TMEM132E: variants seen among roughly 807,000 people sequenced by gnomAD.
TMEM132E encodes transmembrane protein 132E.
A neutral mutation model predicts 78.5 loss-of-function variants in TMEM132E; 49 were observed. The observed-to-expected ratio is 0.62, with a 90% CI of 0.50 to 0.79. The LOEUF is 0.79. Among genes scored for constraint, TMEM132E ranks in the 30% least tolerant of loss-of-function variants. TMEM132E has a pLI of 0.00. For synonymous variants in TMEM132E, 715 were observed against 670.6 expected, an observed-to-expected ratio of 1.07 and a Z score of -1.02; for missense variants, 1,403 against 1,470.9, an observed-to-expected ratio of 0.95 and a Z score of 0.75.
Position 34,638,178 on chromosome 17 carries a change from C to A in TMEM132E, c.3171C>A (p.Pro1057=). ...GCPDVAGPTR[P]TAPPDLHNYM... ...CGGATGTGGCGGGCCCCACGCGGCCCACTGCACCCCCGGACCTGCACAATT... is the reference window on the plus strand; with the variant it reads ...CGGATGTGGCGGGCCCCACGCGGCCAACTGCACCCCCGGACCTGCACAATT... The change falls in exon 9 of 9, where the codon CCC becomes CCA. Residue 1057 remains proline, a synonymous_variant. Coordinates refer to ENST00000631683, the MANE Select transcript of TMEM132E (RefSeq NM_001304438.2). The A allele has an allele frequency of 6.2e-7, 1 of 1,606,044 alleles. No individual in the cohort carries two copies. The highest frequency in any genetic ancestry group is 8.5e-7 in the Non-Finnish European group (1 of 1,177,124).
intron 1 of TMEM132E, among the ~76,000 whole-genome samples, chr17:34,625,166 T>C (rs1358116766): frequency 1.3e-5 from 2 of 152,164 alleles, no homozygotes; most frequent in Non-Finnish European, 2.9e-5. Flanking sequence ...TATGTCGTCA[T>C]AGCGACAGCA....
Position 34,626,641 on chromosome 17 carries a change from G to A in TMEM132E, c.582G>A (p.Glu194=). The change falls in exon 2 of 9, where the codon GAG becomes GAA. Residue 194 remains glutamate, a synonymous_variant. Coordinates refer to ENST00000631683, the MANE Select transcript of TMEM132E (RefSeq NM_001304438.2). ...TGGCCACTTGTCTGGTGCGGGCAGA[G>A]CTGCCCCTGGCCTGGTTCGGGCCCC... The part of the protein sequence containing the change: ...GGLATCLVRA[E]LPLAWFGPPA... 6.9e-7 allele frequency: 1 copy of A among 1,447,662 alleles called. No individual in the cohort carries two copies. The allele number at this position is 1,447,662 out of a possible 1,614,324, so 89.7% of individuals were successfully genotyped here. A position where few individuals can be genotyped will look rare whatever the true frequency, so the allele number is the denominator to read the frequency against.
chr17:34,612,576 T>C (rs1283326666), intron 1 of TMEM132E, among the ~76,000 whole-genome samples: 2 of 152,138 alleles, frequency 1.3e-5, no homozygotes, highest in African/African-American at 2.4e-5. Context: ...AAAACAGGCA[T>C]CAGAATATGG....
intron 4 of TMEM132E, 75 bp downstream of exon 4, chr17:34,629,279 A>T: frequency 6.8e-7 from 1 of 1,480,604 alleles, no homozygotes; most frequent in Non-Finnish European, 9.2e-7. Context: ...CAAGAATGTG[A>T]ACCACTGAGT....
At chr17:34,609,992 C>G (rs1018056187) in intron 1 of TMEM132E, among the ~76,000 whole-genome samples, 1 of 152,162 alleles carries the variant, frequency 6.6e-6, no homozygotes, top group African/African-American at 2.4e-5. Flanking sequence ...TCTGTTCCCT[C>G]CATCCCTGAC....
Position 34,629,024 on chromosome 17 carries a change from C to T in TMEM132E, c.1158C>T (p.Gly386=), listed in dbSNP as rs754658637. The T allele has an allele frequency of 6.4e-6, 10 of 1,568,674 alleles. No individual in the cohort carries two copies. The highest frequency in any genetic ancestry group is 1.7e-4 in the Middle Eastern group (1 of 5,886). ...CCTACCCTGGCAGGGAGGGCCAGGG[C>T]CCCTTGGAGATCTTGCAGCTGGACT... ...STPLPPREGQ[G]PLEILQLDFE... is the part of the protein sequence containing the mutation. Residue 386 remains glycine, a synonymous_variant, in exon 4 of 9, where the codon GGC becomes GGT. Transcript: ENST00000631683.
intron 1 of TMEM132E, among the ~76,000 whole-genome samples, chr17:34,597,517 T>A (rs549652220): frequency 1.3e-5 from 2 of 152,280 alleles, no homozygotes; most frequent in African/African-American, 2.4e-5. Context: ...TGCCAGACAC[T>A]GACTGGATAT....
chr17:34,592,124 T>C (rs1905892688), intron 1 of TMEM132E, among the ~76,000 whole-genome samples: 1 of 152,216 alleles, frequency 6.6e-6, no homozygotes, highest in Non-Finnish European at 1.5e-5. Flanking sequence ...CTTGGGATTT[T>C]TGTTTTTTAA....
chr17:34,637,216 A>C lies in TMEM132E; in HGVS notation c.2209A>C (p.Thr737Pro). 6.2e-7 allele frequency: 1 copy of C among 1,611,262 alleles called. No homozygotes were observed. Among genetic ancestry groups the C allele is most frequent in the Non-Finnish European group, 8.5e-7 (1 of 1,177,900 alleles). Residue 737 changes from threonine (T) to proline (P), a missense_variant, in exon 9 of 9, where the codon ACC (threonine) becomes CCC (proline). Around this residue, in one of 3 missense-constraint regions of TMEM132E, gnomAD observed 888 missense variants for 952.8 expected, o/e 0.93. Coordinates refer to ENST00000631683, the MANE Select transcript of TMEM132E (RefSeq NM_001304438.2). ...LSLWLSYSDG[T>P]TAPLSLYSPR... ...CCTCTGGCTCTCCTACAGTGATGGCACCACAGCCCCACTCTCCCTCTACAG... is the reference window on the plus strand; with the variant it reads ...CCTCTGGCTCTCCTACAGTGATGGCCCCACAGCCCCACTCTCCCTCTACAG...
chr17:34,594,843 C>T (rs1905999901), intron 1 of TMEM132E, among the ~76,000 whole-genome samples: 1 of 152,164 alleles, frequency 6.6e-6, no homozygotes, highest in Non-Finnish European at 1.5e-5. Context: ...TTCAAGTGGT[C>T]CGCTCGCCTT....
intron 1 of TMEM132E, among the ~76,000 whole-genome samples, chr17:34,594,850 C>T (rs1210202241): frequency 1.3e-5 from 2 of 152,190 alleles, no homozygotes; most frequent in Non-Finnish European, 2.9e-5. Flanking sequence ...GGTCCGCTCG[C>T]CTTAGTTTCC....
At chr17:34,581,634 G>A (rs1905486915) in intron 1 of TMEM132E, among the ~76,000 whole-genome samples, 1 of 151,602 alleles carries the variant, frequency 6.6e-6, no homozygotes, top group African/African-American at 2.4e-5. Flanking sequence ...GAAGGGAAGT[G>A]GACTGACTCC....
At chr17:34,601,739 G>T (rs537494618) in intron 1 of TMEM132E, among the ~76,000 whole-genome samples, 1 of 152,312 alleles carries the variant, frequency 6.6e-6, no homozygotes, top group East Asian at 1.9e-4. Flanking sequence ...GGGAAGAGAA[G>T]AGGAAGGAGG....
chr17:34,625,190 G>A (rs1907079514), intron 1 of TMEM132E, among the ~76,000 whole-genome samples: 1 of 152,344 alleles, frequency 6.6e-6, no homozygotes, highest in Admixed American at 6.5e-5. Context: ...AGGCCAGAAT[G>A]GGGGCAGGGA....
At chr17:34,622,221 C>G (rs781725648) in intron 1 of TMEM132E, among the ~76,000 whole-genome samples, 1 of 152,226 alleles carries the variant, frequency 6.6e-6, no homozygotes, top group Non-Finnish European at 1.5e-5. Flanking sequence ...CACACCAGAA[C>G]GCTTCCAGGG....
chr17:34,618,487 C>T lies in TMEM132E; in HGVS notation c.68-7640C>T, dbSNP rs995684643. On this transcript the variant is annotated intron_variant, in intron 1 of 8. Transcript: ENST00000631683. ...TCTCAAGCGATCCTCCCTCCTGAGC[C>T]TCCCAAAGTGCTGGAATTATAGGAG... is the stretch of plus-strand genomic sequence containing the variant. Among the ~76,000 whole-genome samples the T allele has an allele frequency of 2.6e-5, 4 of 151,906 alleles. No individual in the cohort carries two copies. The East Asian group carries it at 7.7e-4, about 29-fold the overall frequency.
At chr17:34,587,938 G>A (rs1462106803) in intron 1 of TMEM132E, among the ~76,000 whole-genome samples, 2 of 152,144 alleles carry the variant, frequency 1.3e-5, no homozygotes, top group African/African-American at 4.8e-5. Flanking sequence ...GCCTTCGGAG[G>A]TCTTCTTGCC....
intron 1 of TMEM132E, among the ~76,000 whole-genome samples, chr17:34,583,573 G>A (rs982185553): frequency 1.3e-5 from 2 of 152,220 alleles, no homozygotes; most frequent in Non-Finnish European, 1.5e-5. Flanking sequence ...CTGACTCTTG[G>A]TTGGGGTTCC....
At chr17:34,618,367 A>C (rs915422168) in intron 1 of TMEM132E, among the ~76,000 whole-genome samples, 6 of 149,932 alleles carry the variant, frequency 4.0e-5, no homozygotes, top group African/African-American at 1.5e-4. Flanking sequence ...CCTCCCAAGT[A>C]GTTGGGACCA....
Sources: gnomAD v4.1 joint callset for allele counts (sites outside exome capture counted in the v4.1 genomes callset) on GRCh38, gnomAD v4.1.1 for gene constraint, gnomAD v4.1.1 regional missense constraint, MANE v1.5 for transcripts, NCBI Gene and HGNC (gene_info 2026-07-23, HGNC 2026-07-21) for gene names.